The following PARD3B variants were observed in gnomAD, a reference collection of about 807,000 sequenced individuals.
The protein encoded by PARD3B is partitioning defective 3 homolog B.
In PARD3B, 103 loss-of-function variants were observed where a neutral mutation model predicts 130.2. The ratio of observed to expected loss-of-function variants is 0.79; its 90% CI spans 0.67 to 0.93. The LOEUF (loss-of-function observed/expected upper bound fraction) is 0.93, where lower values mean the gene tolerates loss of function less well. Ranked by LOEUF, PARD3B falls within the 40% of genes least tolerant of loss-of-function variation. The pLI, the probability that PARD3B is intolerant of heterozygous loss-of-function variation, is 0.00. For missense variants in PARD3B, 1,609 were observed against 1,499.2 expected (o/e 1.07, Z -1.21); for synonymous variants, 583 against 553.2 (o/e 1.05, Z -0.76).
intron 6 of PARD3B, 78 bp downstream of exon 6, chr2:205,113,655 C>A: frequency 9.4e-7 from 1 of 1,067,874 alleles, no homozygotes; most frequent in Non-Finnish European, 1.4e-6. Flanking sequence ...ATATTTTTCA[C>A]AAGGAGATTA....
chr2:205,326,515 T>G (rs2042945305), intron 18 of PARD3B, among the ~76,000 whole-genome samples: 1 of 152,160 alleles, frequency 6.6e-6, no homozygotes, highest in Non-Finnish European at 1.5e-5. Flanking sequence ...ATTATCTCTA[T>G]GAGCTAGAAC....
chr2:204,842,628 G>C (rs2044299133), intron 2 of PARD3B, among the ~76,000 whole-genome samples: 1 of 152,182 alleles, frequency 6.6e-6, no homozygotes, highest in African/African-American at 2.4e-5. Flanking sequence ...AAACTCCCTA[G>C]AGAAGGAGAG....
At chr2:205,222,220 T>A (rs1411653808) in intron 15 of PARD3B, among the ~76,000 whole-genome samples, 1 of 151,558 alleles carries the variant, frequency 6.6e-6, no homozygotes, top group East Asian at 1.9e-4. Context: ...TCATATAGGT[T>A]GGTATGAAAT....
chr2:205,219,417 A>G (rs2125867576), intron 15 of PARD3B, among the ~76,000 whole-genome samples: 1 of 152,330 alleles, frequency 6.6e-6, no homozygotes, highest in African/African-American at 2.4e-5. Flanking sequence ...AATAAACTCT[A>G]ATAAACAATG....
chr2:204,889,550 C>T (rs1166021949), intron 2 of PARD3B, among the ~76,000 whole-genome samples: 1 of 152,154 alleles, frequency 6.6e-6, no homozygotes, highest in Non-Finnish European at 1.5e-5. Flanking sequence ...ACCCATGAAG[C>T]CAGCCCTGGC....
intron 15 of PARD3B, among the ~76,000 whole-genome samples, chr2:205,218,033 C>G (rs2038044162): frequency 6.6e-6 from 1 of 150,934 alleles, no homozygotes; most frequent in Non-Finnish European, 1.5e-5. Flanking sequence ...GCTGGGATTA[C>G]AGACGTGCTT....
At chr2:205,447,733 A>T (rs2047956707) in intron 20 of PARD3B, among the ~76,000 whole-genome samples, 1 of 152,058 alleles carries the variant, frequency 6.6e-6, no homozygotes, top group Admixed American at 6.6e-5. Flanking sequence ...CTCACGTCCC[A>T]CTCATCAGAG....
At chr2:205,541,148 A>G (rs2052108270) in intron 21 of PARD3B, among the ~76,000 whole-genome samples, 1 of 152,258 alleles carries the variant, frequency 6.6e-6, no homozygotes, top group South Asian at 2.1e-4. Flanking sequence ...GAATTTGATT[A>G]ATGGAAAGAA....
chr2:204,799,513 G>A lies in PARD3B; in HGVS notation c.222+113231G>A, dbSNP rs184240037. On this transcript the variant is annotated intron_variant, in intron 2 of 22. Coordinates refer to ENST00000406610, the MANE Select transcript of PARD3B (RefSeq NM_001302769.2). This position sits in a 1 kb window ranked among gnomAD's most constrained non-coding sequence, Gnocchi z 4.1. Reference sequence around the variant, plus strand: ...CTGCTCACTGAAGAGCCCTTGGGCCGTGAGTGAACATTCACAGCCAGACAG... The same window carrying A: ...CTGCTCACTGAAGAGCCCTTGGGCCATGAGTGAACATTCACAGCCAGACAG... Among the ~76,000 whole-genome samples the A allele has an allele frequency of 9.0e-4, 137 of 152,292 alleles. No homozygotes were observed. Among genetic ancestry groups the A allele is most frequent in the African/African-American group, 3.0e-3 (125 of 41,554 alleles).
intron 2 of PARD3B, among the ~76,000 whole-genome samples, chr2:204,964,042 A>T (rs1488183144): frequency 6.6e-6 from 1 of 152,242 alleles, no homozygotes; most frequent in African/African-American, 2.4e-5. Context: ...AATATTGCCA[A>T]CAGGGTTCCC....
chr2:205,305,953 G>A (rs1216587866), intron 18 of PARD3B, among the ~76,000 whole-genome samples: 1 of 152,144 alleles, frequency 6.6e-6, no homozygotes, highest in Non-Finnish European at 1.5e-5. Context: ...GAAAATTAAG[G>A]TTGCGGGTGG....
At chr2:204,998,283 C>T (rs1694418318) in intron 3 of PARD3B, among the ~76,000 whole-genome samples, 1 of 136,680 alleles carries the variant, frequency 7.3e-6, no homozygotes, top group Non-Finnish European at 1.5e-5. Flanking sequence ...CAAACATGCA[C>T]ATTCTGCACA....
At chr2:204,696,588 G>T in intron 2 of PARD3B, among the ~76,000 whole-genome samples, 1 of 152,078 alleles carries the variant, frequency 6.6e-6, no homozygotes, top group South Asian at 2.1e-4. Context: ...TATATAAACC[G>T]CTTGTACTTA....
chr2:205,611,176 G>A (rs1053737873), intron 22 of PARD3B, among the ~76,000 whole-genome samples: 1 of 152,174 alleles, frequency 6.6e-6, no homozygotes, highest in Non-Finnish European at 1.5e-5. Flanking sequence ...ATTGAGGGTG[G>A]TGGTGTAGAC....
intron 22 of PARD3B, among the ~76,000 whole-genome samples, chr2:205,554,956 C>G (rs2052812882): frequency 6.6e-6 from 1 of 151,502 alleles, no homozygotes; most frequent in Non-Finnish European, 1.5e-5. Context: ...GTCCTGGAAC[C>G]ATTCCCCCAA....
intron 2 of PARD3B, among the ~76,000 whole-genome samples, chr2:204,745,747 T>A (rs2040196894): frequency 6.6e-6 from 1 of 152,082 alleles, no homozygotes; most frequent in Non-Finnish European, 1.5e-5. Flanking sequence ...GCCAATCTAA[T>A]AATCTGTCCA....
chr2:204,597,421 T>C (rs2033344947), intron 1 of PARD3B, among the ~76,000 whole-genome samples: 1 of 152,218 alleles, frequency 6.6e-6, no homozygotes, highest in Non-Finnish European at 1.5e-5. Flanking sequence ...TTCTTGCCTG[T>C]CCAGGTAATG....
chr2:205,034,185 G>GT (rs1697633767), intron 3 of PARD3B, among the ~76,000 whole-genome samples: 1 of 152,066 alleles, frequency 6.6e-6, no homozygotes, highest in Non-Finnish European at 1.5e-5. Context: ...TTAAACATCT[G>GT]TCTTTGCGCC....
chr2:205,399,383 A>T (rs571632102), intron 18 of PARD3B, among the ~76,000 whole-genome samples: 2 of 152,012 alleles, frequency 1.3e-5, no homozygotes, highest in Admixed American at 1.3e-4. Flanking sequence ...GAGACAGAGT[A>T]TCACTATGTC....
Sources: gnomAD v4.1 joint callset for allele counts (sites outside exome capture counted in the v4.1 genomes callset) on GRCh38, gnomAD v4.1.1 for gene constraint, Gnocchi (gnomAD v3.1) non-coding constraint, MANE v1.5 for transcripts, NCBI Gene and HGNC (gene_info 2026-07-23, HGNC 2026-07-21) for gene names.